MOK: variants seen among roughly 807,000 people sequenced by gnomAD.
The protein encoded by MOK is MAPK/MAK/MRK overlapping kinase.
Under a neutral mutation model 54.2 loss-of-function variants are expected in MOK, and 59 were observed. The observed-to-expected ratio is 1.09, with a 90% CI of 0.88 to 1.35. MOK has a LOEUF of 1.35. MOK is among the 40% of genes most tolerant of loss of function. The probability of loss-of-function intolerance (pLI) is 0.00; values close to 1 mark genes in which losing one functional copy is unlikely to be tolerated. For synonymous variants in MOK, 210 were observed against 202.7 expected (o/e 1.04, Z -0.31); for missense variants, 517 against 526.2 (o/e 0.98, Z 0.17).
intron 1 of MOK, among the ~76,000 whole-genome samples, chr14:102,304,150 C>A (rs1004356794): frequency 6.6e-6 from 1 of 152,178 alleles, no homozygotes; most frequent in South Asian, 2.1e-4. Flanking sequence ...ACACCATTGA[C>A]AATTAGGATA....
chr14:102,218,646 T>C, the MOK span, among the ~76,000 whole-genome samples: 2 of 151,940 alleles, frequency 1.3e-5, no homozygotes, highest in Non-Finnish European at 2.9e-5. Flanking sequence ...CTGGAGTATT[T>C]TTTTATCACT....
At chr14:102,242,826 T>TCCCTCCACAAC (rs1219381771) in intron 7 of MOK, among the ~76,000 whole-genome samples, 4 of 152,104 alleles carry the variant, frequency 2.6e-5, no homozygotes, top group Non-Finnish European at 5.9e-5. Context: ...CCTCAATACC[T>TCCCTCCACAAC]CCCTCCACAA....
At chr14:102,251,083 TTAC>T in intron 6 of MOK, 93 bp from the exon 7 acceptor site, 3 of 1,360,236 alleles carry the variant, frequency 2.2e-6, no homozygotes, top group Non-Finnish European at 3.0e-6. Context: ...AGCAGGAAAA[TTAC>T]TAGCATCTAA....
At chr14:102,250,016 C>G (rs985801115) in intron 7 of MOK, among the ~76,000 whole-genome samples, 2 of 152,164 alleles carry the variant, frequency 1.3e-5, no homozygotes, top group African/African-American at 4.8e-5. Flanking sequence ...AGGACCTGGG[C>G]TCATGGGAAG....
chr14:102,248,613 C>T (rs2066280477), intron 7 of MOK, among the ~76,000 whole-genome samples: 1 of 151,886 alleles, frequency 6.6e-6, no homozygotes, highest in Admixed American at 6.6e-5. Flanking sequence ...CCTGTCTCTA[C>T]TAAAAATACA....
At chr14:102,272,438 C>T (rs1290039070) in intron 2 of MOK, among the ~76,000 whole-genome samples, 5 of 151,836 alleles carry the variant, frequency 3.3e-5, no homozygotes, top group African/African-American at 1.2e-4. Context: ...GATCACGCCA[C>T]CACACTCCAG....
At chr14:102,277,695 G>A (rs1177369464) in intron 2 of MOK, among the ~76,000 whole-genome samples, 2 of 152,122 alleles carry the variant, frequency 1.3e-5, no homozygotes, top group African/African-American at 4.8e-5. Context: ...GTTAAAGGAG[G>A]TGGACACAAG....
chr14:102,296,418 TA>T (rs2071424762), intron 1 of MOK, among the ~76,000 whole-genome samples: 1 of 152,054 alleles, frequency 6.6e-6, no homozygotes, highest in East Asian at 1.9e-4. Flanking sequence ...CACCAATATA[TA>T]AAACTTGTGT....
intron 7 of MOK, among the ~76,000 whole-genome samples, chr14:102,242,527 C>CT (rs56336960): frequency 1 from 152,121 of 152,122 alleles, 76,060 homozygotes; most frequent in Middle Eastern, 1. Context: ...CCTCTACTCT[C>CT]CCCTGGCAAC....
rs140574092 is a variant in MOK at position 102,283,489 on chromosome 14, C to A, written c.111G>T (p.Gln37His). 1.2e-6 allele frequency: 2 copies of A among 1,609,864 alleles called. No homozygotes were observed. Among genetic ancestry groups the A allele is most frequent in the Non-Finnish European group, 1.7e-6 (2 of 1,177,948 alleles). The change falls in exon 2 of 12, where the codon CAG becomes CAT. Residue 37 changes from glutamine to histidine, a missense_variant. Physicochemically the swap from Gln to His is conservative, Grantham distance 24 (BLOSUM62 0). Transcript: ENST00000361847. ...TCTCTGTAGCCTACCTTTCAAAGCG[C>A]TGCTTCATTTGTTTACATGCATAGT... ...GNYYACKQMKQRFESIEQVNN... is the reference protein window; with the variant it reads ...GNYYACKQMKHRFESIEQVNN...
intron 1 of MOK, among the ~76,000 whole-genome samples, chr14:102,298,959 G>A (rs2071807824): frequency 6.6e-6 from 1 of 152,092 alleles, no homozygotes; most frequent in African/African-American, 2.4e-5. Context: ...CCTGAAGCCA[G>A]TGAGACCACG....
At chr14:102,280,411 T>C (rs1415946234) in intron 2 of MOK, among the ~76,000 whole-genome samples, 1 of 152,084 alleles carries the variant, frequency 6.6e-6, no homozygotes, top group Non-Finnish European at 1.5e-5. Flanking sequence ...GAGTTTCTCT[T>C]TGTTGCCTGG....
intron 1 of MOK, among the ~76,000 whole-genome samples, chr14:102,302,749 T>C (rs1161437872): frequency 6.6e-6 from 1 of 151,698 alleles, no homozygotes; most frequent in South Asian, 2.1e-4. Context: ...GGTATACACA[T>C]GCAGTGCTAA....
intron 4 of MOK, among the ~76,000 whole-genome samples, chr14:102,256,605 G>A (rs965561482): frequency 3.3e-4 from 50 of 151,816 alleles, no homozygotes; most frequent in African/African-American, 1.2e-3. Flanking sequence ...TACAGACAGA[G>A]TCTTAGGCTA....
rs1315579339 is a variant in MOK at position 102,238,975 on chromosome 14, T to G, written c.591-5186A>C. The stretch of plus-strand genomic sequence containing the variant: ...CTCCCGTCAAAAACACAAGACTACT[T>G]CTCACTCTTATAGACATCTTCTCTG... On this transcript the variant is annotated intron_variant, in intron 7 of 11. Transcript: ENST00000361847. This position sits in a 1 kb window ranked among gnomAD's most constrained non-coding sequence, Gnocchi z 4.8. 6.6e-6 allele frequency among the ~76,000 whole-genome samples: 1 copy of G among 151,962 alleles called. No homozygotes were observed.
At chr14:102,296,783 A>C (rs2071466644) in intron 1 of MOK, among the ~76,000 whole-genome samples, 1 of 152,016 alleles carries the variant, frequency 6.6e-6, no homozygotes, top group Non-Finnish European at 1.5e-5. Flanking sequence ...AAATAAGTAA[A>C]ATAAAATGGC....
intron 7 of MOK, among the ~76,000 whole-genome samples, chr14:102,242,900 C>T (rs564173703): frequency 2.2e-4 from 34 of 152,244 alleles, no homozygotes; most frequent in Admixed American, 5.9e-4. Context: ...TTCCTTTGCA[C>T]GCTTCATCCC....
At chr14:102,299,489 T>G (rs576197667) in intron 1 of MOK, among the ~76,000 whole-genome samples, 2 of 151,870 alleles carry the variant, frequency 1.3e-5, no homozygotes, top group South Asian at 4.2e-4. Flanking sequence ...CACTCCAGCC[T>G]GGGCAACAGA....
chr14:102,296,745 C>A (rs1214017747), intron 1 of MOK, among the ~76,000 whole-genome samples: 7 of 151,942 alleles, frequency 4.6e-5, no homozygotes, highest in Non-Finnish European at 1.0e-4. Context: ...CATGGTGAGA[C>A]CCTCATCTCT....
Sources: allele counts gnomAD v4.1 joint callset (sites outside exome capture counted in the v4.1 genomes callset), GRCh38; gene constraint gnomAD v4.1.1; non-coding constraint Gnocchi (gnomAD v3.1); transcripts MANE v1.5; gene names NCBI Gene and HGNC (gene_info 2026-07-23, HGNC 2026-07-21).